Variants in TTC4 observed in about 807,000 individuals in gnomAD.
The protein encoded by TTC4 is hsp70/Hsp90 co-chaperone CNS1 homolog.
TTC4 carries 36 observed loss-of-function variants against 51.9 expected under a neutral mutation model. The ratio of observed to expected loss-of-function variants is 0.69; its 90% CI spans 0.53 to 0.92. TTC4 has a LOEUF of 0.92. Ranked by LOEUF, TTC4 falls within the 40% of genes least tolerant of loss-of-function variation. TTC4 has a pLI of 0.00. For synonymous variants in TTC4, 144 were observed against 164.2 expected (o/e 0.88, Z 0.94); for missense variants, 399 against 454.6 (o/e 0.88, Z 1.11).
At chr1:54,716,057 G>A (rs1645671137) in intron 1 of TTC4, 38 bp downstream of exon 1, 1 of 1,524,402 alleles carries the variant, frequency 6.6e-7, no homozygotes, top group Non-Finnish European at 8.9e-7. Context: ...GTGTAGGGGC[G>A]TCGTCCGGAC....
At position 54,725,435 on chromosome 1, in the gene TTC4, C is replaced by T. The variant is rs543940605; in HGVS notation, c.594+2636C>T. On this transcript the variant is annotated intron_variant, in intron 5 of 9. Transcript: ENST00000371281. ...CAGTATTCCTGAAGATCTAGATGGT[C>T]ACACATGTGCCCAGGGCTATACATG... Among the ~76,000 whole-genome samples, 7 of 152,318 alleles carry T rather than the reference C, an allele frequency of 4.6e-5. No individual in the cohort carries two copies. In the South Asian group the frequency reaches 1.4e-3, roughly 32 times the overall value.
Position 54,717,585 on chromosome 1 carries a change from A to G in TTC4, c.323A>G (p.Lys108Arg), listed in dbSNP as rs746300832. 21 of 1,612,376 alleles carry G rather than the reference A, an allele frequency of 1.3e-5. No homozygotes were observed. The highest frequency in any genetic ancestry group is 1.7e-5 in the Non-Finnish European group (20 of 1,179,456). ...AVISYTEGLKKKCADPDLNAV... is the reference protein window; with the variant it reads ...AVISYTEGLKRKCADPDLNAV... ...ATTTCATACACTGAAGGCTTAAAGA[A>G]GAAATGTGCAGATCCTGATTTGAAT... is the stretch of plus-strand genomic sequence containing the variant. The change falls in exon 3 of 10, where the codon AAG (lysine) becomes AGG (arginine). Residue 108 changes from lysine (K) to arginine (R), a missense_variant. Around this residue, in one of 3 missense-constraint regions of TTC4, gnomAD observed 316 missense variants for 349.6 expected, o/e 0.90. Coordinates refer to ENST00000371281, the MANE Select transcript of TTC4 (RefSeq NM_004623.5).
At chr1:54,733,466 A>G in intron 7 of TTC4, among the ~76,000 whole-genome samples, 163 bp from the exon 8 acceptor site, 1 of 151,924 alleles carries the variant, frequency 6.6e-6, no homozygotes, top group Non-Finnish European at 1.5e-5. Context: ...TCATAATAGG[A>G]CAAGTGATAC....
chr1:54,733,745 TAA>T (rs1491534821), intron 8 of TTC4, 35 bp downstream of exon 8: 1 of 1,210,328 alleles, frequency 8.3e-7, no homozygotes, highest in Middle Eastern at 2.6e-4. Context: ...TCTATGGAAT[TAA>T]TTTTTTTTTT....
chr1:54,717,249 T>C (rs954219977), intron 2 of TTC4, among the ~76,000 whole-genome samples: 1 of 152,210 alleles, frequency 6.6e-6, no homozygotes, highest in Non-Finnish European at 1.5e-5. Flanking sequence ...CTTTTTTCCT[T>C]TATACTTCTT....
rs994129919 is a variant in TTC4 at position 54,717,896 on chromosome 1, T to C, written c.391+243T>C. 4.1e-5 allele frequency: 14 copies of C among 337,958 alleles called. No individual in the cohort carries two copies. In the Admixed American group the frequency reaches 5.3e-4, roughly 13 times the overall value. 20.9% of individuals were successfully genotyped at this position (337,958 alleles called of 1,614,324 possible). A position where few individuals can be genotyped will look rare whatever the true frequency, so the allele number is the denominator to read the frequency against. On this transcript the variant is annotated intron_variant, in intron 3 of 9. Coordinates refer to ENST00000371281, the MANE Select transcript of TTC4 (RefSeq NM_004623.5). ...TTGGTCACTCAAGTAAGGTGTTTGATGTATGAGGCAGTATGTTCTGAGATT... is the reference window on the plus strand; with the variant it reads ...TTGGTCACTCAAGTAAGGTGTTTGACGTATGAGGCAGTATGTTCTGAGATT...
In TTC4 at chr1:54,717,590, T is replaced by C. The variant is rs371758982; in HGVS notation, c.328T>C (p.Cys110Arg). The change falls in exon 3 of 10, where the codon TGT becomes CGT. Residue 110 changes from cysteine (C) to arginine (R), a missense_variant. Physicochemically the swap from Cys to Arg is radical, Grantham distance 180 (BLOSUM62 -3). Transcript: ENST00000371281. ...ISYTEGLKKKCADPDLNAVLY... is the reference protein window; with the variant it reads ...ISYTEGLKKKRADPDLNAVLY... Reference sequence around the variant, plus strand: ...ATACACTGAAGGCTTAAAGAAGAAATGTGCAGATCCTGATTTGAATGCTGT... The same window carrying C: ...ATACACTGAAGGCTTAAAGAAGAAACGTGCAGATCCTGATTTGAATGCTGT... 12 of 1,612,170 alleles carry C rather than the reference T, an allele frequency of 7.4e-6. No individual in the cohort carries two copies. The African/African-American group carries it at 9.3e-5, about 13-fold the overall frequency.
At chr1:54,733,045 C>A (rs1208671168) in intron 7 of TTC4, among the ~76,000 whole-genome samples, 1 of 151,594 alleles carries the variant, frequency 6.6e-6, no homozygotes, top group Non-Finnish European at 1.5e-5. Flanking sequence ...AGAGATTGTT[C>A]CACTGTACTC....
chr1:54,741,329 C>T, intron 9 of TTC4, 82 bp from the exon 10 acceptor site: 1 of 1,162,950 alleles, frequency 8.6e-7, no homozygotes, highest in Admixed American at 1.7e-5. Flanking sequence ...CAGAGGCTCA[C>T]CTTGCATGTT....
intron 6 of TTC4, 92 bp downstream of exon 6, chr1:54,728,524 A>T: frequency 1.0e-5 from 13 of 1,267,564 alleles, no homozygotes; most frequent in Middle Eastern, 1.9e-4. Context: ...GCTTTACCTG[A>T]AGGAATTTGT....
At chr1:54,724,170 G>A (rs925599843) in intron 5 of TTC4, among the ~76,000 whole-genome samples, 3 of 152,188 alleles carry the variant, frequency 2.0e-5, no homozygotes, top group Admixed American at 2.0e-4. Context: ...GTTCCTATGT[G>A]CTTGGCATAT....
At chr1:54,716,161 G>A (rs544261909) in intron 1 of TTC4, 142 bp downstream of exon 1, 2 of 715,530 alleles carry the variant, frequency 2.8e-6, no homozygotes, top group South Asian at 1.8e-5. Flanking sequence ...ATTGAAAATC[G>A]GCCTCGAGGT....
At chr1:54,726,606 TATG>T (rs1645802209) in intron 5 of TTC4, among the ~76,000 whole-genome samples, 2 of 152,118 alleles carry the variant, frequency 1.3e-5, no homozygotes, top group African/African-American at 4.8e-5. Flanking sequence ...AAAAAACACT[TATG>T]AGTACATTTA....
At chr1:54,717,983 T>A (rs1024165634) in intron 3 of TTC4, among the ~76,000 whole-genome samples, 9 of 152,186 alleles carry the variant, frequency 5.9e-5, no homozygotes, top group Admixed American at 4.6e-4. Context: ...TATCCTCTTT[T>A]CAAGGATGCT....
intron 4 of TTC4, 113 bp from the exon 5 acceptor site, chr1:54,722,562 C>T: frequency 1.4e-6 from 2 of 1,465,826 alleles, no homozygotes; most frequent in Non-Finnish European, 1.8e-6. Context: ...CATTATCCTC[C>T]ATTTTGCCTT....
intron 5 of TTC4, among the ~76,000 whole-genome samples, chr1:54,727,282 G>C (rs1645811718): frequency 2.6e-5 from 4 of 152,146 alleles, no homozygotes; most frequent in Admixed American, 2.6e-4. Flanking sequence ...ACAAAGGATA[G>C]TGGGACAACT....
intron 5 of TTC4, among the ~76,000 whole-genome samples, chr1:54,725,399 C>G (rs1339671230): frequency 2.6e-5 from 4 of 152,088 alleles, no homozygotes; most frequent in African/African-American, 9.7e-5. Context: ...TGTGGGGGCT[C>G]CGAAAAGCTC....
rs757679460 is a variant in TTC4 at position 54,715,862 on chromosome 1, C to T, written c.-47C>T. 6.7e-7 allele frequency: 1 copy of T among 1,490,168 alleles called. No homozygotes were observed. Among genetic ancestry groups the T allele is most frequent in the Non-Finnish European group, 9.1e-7 (1 of 1,095,564 alleles). The allele number at this position is 1,490,168 out of a possible 1,614,324, so 92.3% of individuals were successfully genotyped here. ...GAACCCGCGCCGCCGGAAGGAGCCG[C>T]TCGCTTCACGGCGCTGGGACCCGGG... On this transcript the variant is annotated 5_prime_UTR_variant, in exon 1 of 10. Transcript: ENST00000371281.
intron 8 of TTC4, 57 bp from the exon 9 acceptor site, chr1:54,737,525 C>T: frequency 6.5e-7 from 1 of 1,536,866 alleles, no homozygotes; most frequent in Admixed American, 1.7e-5. Flanking sequence ...GGCTTAGCCT[C>T]AACTAAGGCT....
Sources: allele counts gnomAD v4.1 joint callset (sites outside exome capture counted in the v4.1 genomes callset), GRCh38; gene constraint gnomAD v4.1.1; regional missense constraint gnomAD v4.1.1; transcripts MANE v1.5; gene names NCBI Gene and HGNC (gene_info 2026-07-23, HGNC 2026-07-21).